Variants in COL11A2 observed in about 807,000 individuals in gnomAD.
The protein encoded by COL11A2 is collagen alpha-2(XI) chain.
In COL11A2, 116 loss-of-function variants were observed where a neutral mutation model predicts 273.4. The ratio of observed to expected loss-of-function variants is 0.42; its 90% CI spans 0.36 to 0.49. COL11A2 has a LOEUF of 0.49. Ranked by LOEUF, COL11A2 falls within the 20% of genes least tolerant of loss-of-function variation. COL11A2 has a pLI of 0.00. For synonymous variants in COL11A2, 782 were observed against 864.2 expected (o/e 0.90, Z 1.67); for missense variants, 1,866 against 2,309.0 (o/e 0.81, Z 3.93).
chr6:33,170,283 C>T lies in COL11A2; in HGVS notation c.3582+43G>A, dbSNP rs1165132872. On this transcript the variant is annotated intron_variant, in intron 48 of 65. Coordinates refer to ENST00000341947, the MANE Select transcript of COL11A2 (RefSeq NM_080680.3). This position sits in a 1 kb window ranked among gnomAD's most constrained non-coding sequence, Gnocchi z 4.3. ...TGGTCTGGGAAAGGGAGGCAGAAGA[C>T]CAGACACATTGGTCTCAAGGGACAG... The T allele has an allele frequency of 6.2e-7, 1 of 1,606,666 alleles. No individual in the cohort carries two copies. Among genetic ancestry groups the T allele is most frequent in the East Asian group, 2.2e-5 (1 of 44,714 alleles).
intron 7 of COL11A2, among the ~76,000 whole-genome samples, 198 bp from the exon 8 acceptor site, chr6:33,184,522 G>A (rs1008454681): frequency 1.3e-5 from 2 of 152,234 alleles, no homozygotes; most frequent in African/African-American, 4.8e-5. Flanking sequence ...AATGGGGAGA[G>A]ATGTCCAGAA....
rs1435676179 is a variant in COL11A2 at position 33,175,568 on chromosome 6, C to T, written c.2376+6G>A. On this transcript the variant is annotated splice_donor_region_variant and intron_variant, in intron 30 of 65. Coordinates refer to ENST00000341947, the MANE Select transcript of COL11A2 (RefSeq NM_080680.3). ...GGACCCAGGCACAGAACCCTCATCC[C>T]ATCACCTTCTCGCCCATGAGCCCTG... is the stretch of plus-strand genomic sequence containing the variant. 2 of 1,611,958 alleles carry T rather than the reference C, an allele frequency of 1.2e-6. No homozygotes were observed. The highest frequency in any genetic ancestry group is 2.7e-5 in the African/African-American group (2 of 74,910).
In COL11A2 at chr6:33,180,362, G is replaced by A. The variant is rs1044215544; in HGVS notation, c.1285-30C>T. 4.4e-6 allele frequency: 7 copies of A among 1,580,510 alleles called. No homozygotes were observed. The African/African-American group carries it at 8.1e-5, about 18-fold the overall frequency. ...AGTGGGAAGAGAATGCAAAAGATGG[G>A]GTGAAAGATAAGGGGACATCAAGAT... On this transcript the variant is annotated intron_variant, in intron 11 of 65. Coordinates refer to ENST00000341947, the MANE Select transcript of COL11A2 (RefSeq NM_080680.3).
Position 33,167,447 on chromosome 6 carries a change from C to T in COL11A2, c.4101G>A (p.Leu1367=). Residue 1367 remains leucine (L), a synonymous_variant, in exon 56 of 66, where the codon CTG becomes CTA. Coordinates refer to ENST00000341947, the MANE Select transcript of COL11A2 (RefSeq NM_080680.3). The surrounding 1 kb of genome is among the most constrained non-coding windows in gnomAD (Gnocchi z 6.1). ...TCACCACTGAGCCTGGGAGCCCCCT[C>T]AGACCATCAGGGCCAGGTTTCCCTG... is the stretch of plus-strand genomic sequence containing the variant. ...GPAGKPGPDG[L]RGLPGSVGQQ... 6.2e-7 allele frequency: 1 copy of T among 1,612,882 alleles called. No individual in the cohort carries two copies. The highest frequency in any genetic ancestry group is 8.5e-7 in the Non-Finnish European group (1 of 1,180,004).
rs9469378 is a variant in COL11A2, at chr6:33,191,887, T to C, written c.82+272A>G. Among the ~76,000 whole-genome samples the C allele has an allele frequency of 0.038, 5,819 of 152,264 alleles. 173 individuals are homozygous for C. The highest frequency in any genetic ancestry group is 0.085 in the South Asian group (409 of 4,822). On this transcript the variant is annotated intron_variant, in intron 1 of 65. Transcript: ENST00000341947. ...GCCATCTTCAGCTCTTCCCAAGGAC[T>C]CAAGACAAGCATCCATCCCCATTCA...
chr6:33,180,765 A>T (rs1251617044), intron 10 of COL11A2, 35 bp from the exon 11 acceptor site: 2 of 1,605,896 alleles, frequency 1.2e-6, no homozygotes, highest in Admixed American at 3.4e-5. Context: ...AGGTGTGGGC[A>T]TTCAGACAGG....
chr6:33,167,881 A>G lies in COL11A2; in HGVS notation c.3961-29T>C, dbSNP rs368299350. ...CAGGTGGAGTGGGAAGGAAGAGCAC[A>G]TGAGGCCGTGGGCAGCCAGGCTCAA... On this transcript the variant is annotated intron_variant, in intron 54 of 65. Coordinates refer to ENST00000341947, the MANE Select transcript of COL11A2 (RefSeq NM_080680.3). This position sits in a 1 kb window ranked among gnomAD's most constrained non-coding sequence, Gnocchi z 6.1. 4.3e-5 allele frequency: 69 copies of G among 1,612,514 alleles called. No homozygotes were observed. The African/African-American group carries it at 7.9e-4, about 18-fold the overall frequency.
chr6:33,176,275 C>T lies in COL11A2; in HGVS notation c.2198G>A (p.Gly733Asp), dbSNP rs1285873504. The change falls in exon 28 of 66, where the codon GGT (glycine) becomes GAT (aspartate). Residue 733 changes from glycine to aspartate, a missense_variant. By Grantham distance (94) the Gly-to-Asp change is moderately conservative. Coordinates refer to ENST00000341947, the MANE Select transcript of COL11A2 (RefSeq NM_080680.3). This position sits in a 1 kb window ranked among gnomAD's most constrained non-coding sequence, Gnocchi z 4.9. ...KGVDGIRGLK[G>D]HKGEKGEDGF... The stretch of plus-strand genomic sequence containing the variant: ...GGTGCTCACCTTCTCACCCTTATGA[C>T]CCTTCAGACCCCGAATTCCGTCCAC... 1 of 1,607,494 alleles carries T rather than the reference C, an allele frequency of 6.2e-7. No homozygotes were observed. Among genetic ancestry groups the T allele is most frequent in the Non-Finnish European group, 8.5e-7 (1 of 1,177,292 alleles).
At position 33,179,353 on chromosome 6, in the gene COL11A2, A is replaced by G. The variant is rs1771396539; in HGVS notation, c.1504-69T>C. On this transcript the variant is annotated intron_variant, in intron 14 of 65. Coordinates refer to ENST00000341947, the MANE Select transcript of COL11A2 (RefSeq NM_080680.3). This position sits in a 1 kb window ranked among gnomAD's most constrained non-coding sequence, Gnocchi z 6.4. ...AACAGTGGCCTCGGAGTGTTCCCCA[A>G]AAGAAGCCCCTTTCCAGAACTATCC... 6.3e-7 allele frequency: 1 copy of G among 1,578,398 alleles called. No individual in the cohort carries two copies. The highest frequency in any genetic ancestry group is 1.2e-5 in the South Asian group (1 of 86,430).
chr6:33,187,089 C>A (rs1772527566), intron 4 of COL11A2, among the ~76,000 whole-genome samples: 5 of 152,192 alleles, frequency 3.3e-5, no homozygotes. Context: ...GCAATGACTG[C>A]CCCAAGGTCA....
At chr6:33,174,809 C>T (rs138198825) in intron 30 of COL11A2, among the ~76,000 whole-genome samples, 23 of 152,184 alleles carry the variant, frequency 1.5e-4, no homozygotes, top group African/African-American at 5.3e-4. Context: ...ACCTCCCCTG[C>T]GCCTACAGAG....
Position 33,174,541 on chromosome 6 carries a change from G to T in COL11A2, c.2416C>A (p.Arg806Ser). 6.2e-7 allele frequency: 1 copy of T among 1,612,652 alleles called. No homozygotes were observed. The highest frequency in any genetic ancestry group is 8.5e-7 in the Non-Finnish European group (1 of 1,179,938). The change falls in exon 31 of 66, where the codon CGT becomes AGT. Residue 806 changes from arginine to serine, a missense_variant. Arg to Ser is a moderately radical substitution (Grantham distance 110). Coordinates refer to ENST00000341947, the MANE Select transcript of COL11A2 (RefSeq NM_080680.3). ...CATGGCATCACCTTGGGTCCCTGACGTCCAGGATAGCCAGGCAGACCAGGA... is the reference window on the plus strand; with the variant it reads ...CATGGCATCACCTTGGGTCCCTGACTTCCAGGATAGCCAGGCAGACCAGGA... ...GVPGLPGYPG[R>S]QGPKGSLGFP...
chr6:33,174,353 G>A, intron 31 of COL11A2, 135 bp from the exon 32 acceptor site: 1 of 1,404,336 alleles, frequency 7.1e-7, no homozygotes, highest in Non-Finnish European at 9.8e-7. Flanking sequence ...AAGTGGCCTT[G>A]GACAAACCCC....
chr6:33,171,250 G>A (rs1242207443), intron 44 of COL11A2, 21 bp downstream of exon 44: 5 of 1,614,080 alleles, frequency 3.1e-6, no homozygotes, highest in Admixed American at 1.7e-5. Flanking sequence ...GAGGTCAGAA[G>A]TCAAGGTCAT....
At position 33,185,773 on chromosome 6, in the gene COL11A2, A is replaced by G; in HGVS notation, c.804T>C (p.Thr268=). 7.9e-7 allele frequency: 1 copy of G among 1,271,126 alleles called. No individual in the cohort carries two copies. The highest frequency in any genetic ancestry group is 1.0e-6 in the Non-Finnish European group (1 of 961,152). The allele number at this position is 1,271,126 out of a possible 1,614,324, so 78.7% of individuals were successfully genotyped here. Residue 268 remains threonine (T), a synonymous_variant, in exon 6 of 66, where the codon ACT becomes ACC. Coordinates refer to ENST00000341947, the MANE Select transcript of COL11A2 (RefSeq NM_080680.3). ...GCTCGTAGTCATAGTAGAGAGACTC[A>G]GTGGGCTGGGATTGGGGGGTGGGCA... ...PQNQEPQSQP[T]ESLYYDYEPP...
At chr6:33,180,633 G>A (rs558999485) in intron 11 of COL11A2, 35 bp downstream of exon 11, 18 of 1,569,032 alleles carry the variant, frequency 1.1e-5, no homozygotes, top group Admixed American at 1.1e-4. Flanking sequence ...TAGCTCCCCC[G>A]AAGCTCCCCC....
chr6:33,165,052 G>T lies in COL11A2; in HGVS notation c.4751-88C>A. On this transcript the variant is annotated intron_variant, in intron 63 of 65. Transcript: ENST00000341947. This position sits in a 1 kb window ranked among gnomAD's most constrained non-coding sequence, Gnocchi z 7.7. Reference sequence around the variant, plus strand: ...CCCCCACATTCCCTCTTCCCTCCCAGCCCTCCCCATCATGCTCTTAGTCTC... The same window carrying T: ...CCCCCACATTCCCTCTTCCCTCCCATCCCTCCCCATCATGCTCTTAGTCTC... 2.0e-6 allele frequency: 2 copies of T among 976,174 alleles called. No individual in the cohort carries two copies. Among genetic ancestry groups the T allele is most frequent in the Non-Finnish European group, 3.2e-6 (2 of 632,280 alleles). 60.5% of individuals were successfully genotyped at this position (976,174 alleles called of 1,614,324 possible).
chr6:33,185,008 A>T lies in COL11A2; in HGVS notation c.923T>A (p.Leu308Ter). 6.4e-7 allele frequency: 1 copy of T among 1,551,286 alleles called. No homozygotes were observed. The change falls in exon 7 of 66, where the codon TTG becomes TAG. Residue 308 changes from leucine (L) to a stop codon, truncating the protein, a stop_gained. Coordinates refer to ENST00000341947, the MANE Select transcript of COL11A2 (RefSeq NM_080680.3). LOFTEE classifies it high-confidence loss of function. Reference protein sequence around the residue: ...EEEEILESSLLPPLEEEQTDL... With the variant: ...EEEEILESSL ...TAGAGTTACCTCCTCAAGGGGTGGC[A>T]AGAGGCTCGACTCCAGGATTTCTTC...
Position 33,188,413 on chromosome 6 carries a change from G to T in COL11A2, c.555C>A (p.Thr185=), listed in dbSNP as rs1772679258. The change falls in exon 4 of 66, where the codon ACC becomes ACA. Residue 185 remains threonine (T), a synonymous_variant. Coordinates refer to ENST00000341947, the MANE Select transcript of COL11A2 (RefSeq NM_080680.3). The part of the protein sequence containing the change: ...LPRSARPVLD[T]HGVIIFGARI... ...GGGCACCAAAGATGATCACTCCATGGGTGTCCAATACTGGACGAGCACTTC... is the reference window on the plus strand; with the variant it reads ...GGGCACCAAAGATGATCACTCCATGTGTGTCCAATACTGGACGAGCACTTC... 1.2e-6 allele frequency: 2 copies of T among 1,613,020 alleles called. No homozygotes were observed. Among genetic ancestry groups the T allele is most frequent in the Non-Finnish European group, 1.7e-6 (2 of 1,180,034 alleles).
Sources: gnomAD v4.1 joint callset for allele counts (sites outside exome capture counted in the v4.1 genomes callset) on GRCh38, gnomAD v4.1.1 for gene constraint, Gnocchi (gnomAD v3.1) non-coding constraint, MANE v1.5 for transcripts, NCBI Gene and HGNC (gene_info 2026-07-23, HGNC 2026-07-21) for gene names.